Variants in FAT3 observed in about 807,000 individuals in gnomAD.
FAT3 encodes FAT atypical cadherin 3.
FAT3 carries 95 observed loss-of-function variants against 310.2 expected under a neutral mutation model. The ratio of observed to expected loss-of-function variants is 0.31; its 90% CI spans 0.26 to 0.36. FAT3 has a LOEUF of 0.36. FAT3 is among the 10% of genes least tolerant of loss of function. FAT3 has a pLI of 1.00. For synonymous variants in FAT3, 2,314 were observed against 2,192.9 expected (o/e 1.06, Z -1.54); for missense variants, 5,408 against 5,715.6 (o/e 0.95, Z 1.74).
chr11:92,283,945 G>T (rs1441209922), intron 1 of FAT3, among the ~76,000 whole-genome samples: 5 of 152,052 alleles, frequency 3.3e-5, no homozygotes, highest in African/African-American at 7.2e-5. Flanking sequence ...GGACACAAAA[G>T]AATTCTGGGA....
chr11:92,719,715 C>G (rs1468244686), intron 4 of FAT3, among the ~76,000 whole-genome samples: 1 of 136,752 alleles, frequency 7.3e-6, no homozygotes, highest in Non-Finnish European at 1.5e-5. Flanking sequence ...ACAGGAGAAC[C>G]AACTCTGTGT....
chr11:92,774,412 G>T (rs192721375), intron 7 of FAT3, among the ~76,000 whole-genome samples: 1 of 152,188 alleles, frequency 6.6e-6, no homozygotes, highest in Non-Finnish European at 1.5e-5. Context: ...AAAATAATGC[G>T]TGTTTCTTTC....
intron 3 of FAT3, among the ~76,000 whole-genome samples, chr11:92,535,380 C>A (rs930910836): frequency 2.0e-5 from 3 of 152,158 alleles, no homozygotes; most frequent in African/African-American, 7.2e-5. Flanking sequence ...GAACTTTCAG[C>A]CTTCAGAACT....
At chr11:92,617,200 T>C (rs987216969) in intron 3 of FAT3, among the ~76,000 whole-genome samples, 4 of 152,194 alleles carry the variant, frequency 2.6e-5, no homozygotes, top group Non-Finnish European at 4.4e-5. Flanking sequence ...TTCTCTAAAC[T>C]TCTCTTCTCG....
At chr11:92,580,769 T>C (rs1393220461) in intron 3 of FAT3, among the ~76,000 whole-genome samples, 1 of 152,094 alleles carries the variant, frequency 6.6e-6, no homozygotes, top group Non-Finnish European at 1.5e-5. Context: ...ACTTTTGCCA[T>C]TGTGGTCTGG....
At chr11:92,575,511 T>C (rs1436967273) in intron 3 of FAT3, among the ~76,000 whole-genome samples, 1 of 152,206 alleles carries the variant, frequency 6.6e-6, no homozygotes. Flanking sequence ...CAATCCTCTC[T>C]AAAAACCTTG....
chr11:92,603,990 G>A (rs185748713), intron 3 of FAT3, among the ~76,000 whole-genome samples: 1 of 152,272 alleles, frequency 6.6e-6, no homozygotes, highest in Admixed American at 6.5e-5. Flanking sequence ...ATGCTGTAAT[G>A]TGCACCATAA....
intron 1 of FAT3, among the ~76,000 whole-genome samples, chr11:92,308,421 A>T (rs544445749): frequency 6.6e-6 from 1 of 152,178 alleles, no homozygotes; most frequent in Non-Finnish European, 1.5e-5. Flanking sequence ...ATGTTGTTTT[A>T]TCTCTGGGCT....
At position 92,844,071 on chromosome 11, in the gene FAT3, G is replaced by C. The variant is rs752768403; in HGVS notation, c.10704G>C (p.Gly3568=). ...IVTMEDDFPG[G]VIGKIHATDQ... ...CCATGGAGGATGACTTTCCTGGTGG[G>C]GTCATTGGGAAGATTCATGCCACAG... Residue 3568 remains glycine, a synonymous_variant, in exon 19 of 28, where the codon GGG becomes GGC. Coordinates refer to ENST00000525166, the MANE Select transcript of FAT3 (RefSeq NM_001367949.2). 23 of 1,613,946 alleles carry C rather than the reference G, an allele frequency of 1.4e-5. No homozygotes were observed. The Middle Eastern group carries it at 6.6e-4, about 46-fold the overall frequency.
At chr11:92,293,064 G>A (rs201336814) in intron 1 of FAT3, among the ~76,000 whole-genome samples, 22 of 120,458 alleles carry the variant, frequency 1.8e-4, no homozygotes, top group Admixed American at 2.5e-4. Flanking sequence ...AAGGAAGGAA[G>A]GAAGGAAGGA....
chr11:92,773,935 C>G (rs998524522), intron 6 of FAT3, 106 bp from the exon 7 acceptor site: 4 of 1,273,450 alleles, frequency 3.1e-6, no homozygotes, highest in Non-Finnish European at 4.3e-6. Flanking sequence ...ATAGGGATGC[C>G]TGTCAAAAAA....
In FAT3 at chr11:92,295,070, T is replaced by A. The variant is rs146985383; in HGVS notation, c.-17-57026T>A. On this transcript the variant is annotated intron_variant, in intron 1 of 27. Coordinates refer to ENST00000525166, the MANE Select transcript of FAT3 (RefSeq NM_001367949.2). ...TAATTTGACTGCTAAGAAAAGGACA[T>A]CAGAAAGCTGGAGGTTTTCTGTAAA... Among the ~76,000 whole-genome samples, 8 of 152,224 alleles carry A rather than the reference T, an allele frequency of 5.3e-5. No individual in the cohort carries two copies. In the East Asian group the frequency reaches 1.6e-3, roughly 30 times the overall value.
At chr11:92,709,128 G>C (rs980393429) in intron 4 of FAT3, among the ~76,000 whole-genome samples, 3 of 152,216 alleles carry the variant, frequency 2.0e-5, no homozygotes, top group African/African-American at 7.2e-5. Context: ...GGCCAGCCAT[G>C]TTCAGGCCTG....
chr11:92,643,596 C>T (rs887623161), intron 3 of FAT3, among the ~76,000 whole-genome samples: 1 of 152,160 alleles, frequency 6.6e-6, no homozygotes, highest in African/African-American at 2.4e-5. Context: ...ACACTGTAAA[C>T]TATAAAAATG....
chr11:92,877,657 C>T (rs1949564328), intron 22 of FAT3, among the ~76,000 whole-genome samples: 2 of 152,082 alleles, frequency 1.3e-5, no homozygotes. Context: ...TTGCTGAGCC[C>T]CATTAATGTG....
intron 3 of FAT3, among the ~76,000 whole-genome samples, chr11:92,651,814 A>G (rs777240918): frequency 3.3e-5 from 5 of 152,146 alleles, no homozygotes; most frequent in African/African-American, 7.2e-5. Flanking sequence ...TGCCAAAGCT[A>G]TAGTTGTCAA....
At position 92,684,446 on chromosome 11, in the gene FAT3, G is replaced by T. The variant is rs190079571; in HGVS notation, c.3608-12938G>T. Among the ~76,000 whole-genome samples the T allele has an allele frequency of 4.1e-4, 63 of 152,216 alleles. 1 individual carries two copies. Among genetic ancestry groups the T allele is most frequent in the Admixed American group, 3.4e-3 (52 of 15,290 alleles). On this transcript the variant is annotated intron_variant, in intron 3 of 27. Transcript: ENST00000525166. The stretch of plus-strand genomic sequence containing the variant: ...AGTTGCAGCTCTTAATTTTAAATTT[G>T]CCATGGGGTGTGCACATTTCAGGTC...
intron 2 of FAT3, among the ~76,000 whole-genome samples, chr11:92,458,084 T>C (rs1210708477): frequency 1.3e-5 from 2 of 152,322 alleles, no homozygotes; most frequent in East Asian, 3.9e-4. Context: ...AGAAAACTTC[T>C]AGTTTTCCCT....
chr11:92,700,452 G>A (rs1463083330), intron 4 of FAT3, among the ~76,000 whole-genome samples: 2 of 152,060 alleles, frequency 1.3e-5, no homozygotes, highest in Non-Finnish European at 2.9e-5. Flanking sequence ...CTTGGGGTGG[G>A]GGCTGAGGGT....
Sources: allele counts gnomAD v4.1 joint callset (sites outside exome capture counted in the v4.1 genomes callset), GRCh38; gene constraint gnomAD v4.1.1; transcripts MANE v1.5; gene names NCBI Gene and HGNC (gene_info 2026-07-23, HGNC 2026-07-21).